PDE1A: variants seen among roughly 807,000 people sequenced by gnomAD.
PDE1A encodes the protein phosphodiesterase 1A.
In PDE1A, 35 loss-of-function variants were observed where a neutral mutation model predicts 61.7. The observed-to-expected ratio is 0.57, with a 90% confidence interval of 0.43 to 0.75. The LOEUF (loss-of-function observed/expected upper bound fraction) is 0.75, where lower values mean the gene tolerates loss of function less well. Ranked by LOEUF, PDE1A falls within the 30% of genes least tolerant of loss-of-function variation. The pLI, the probability that PDE1A is intolerant of heterozygous loss-of-function variation, is 0.00. For missense variants in PDE1A, 597 were observed against 630.6 expected (o/e 0.95, Z 0.57); for synonymous variants, 232 against 213.2 (o/e 1.09, Z -0.77).
chr2:182,150,629 G>A (rs1382335882), intron 13 of PDE1A, among the ~76,000 whole-genome samples: 7 of 152,192 alleles, frequency 4.6e-5, no homozygotes, highest in Non-Finnish European at 1.0e-4. Context: ...AGTTTCAAAA[G>A]TTCAAATCTA....
At chr2:182,450,149 T>A (rs774449410) in intron 2 of PDE1A, among the ~76,000 whole-genome samples, 4 of 152,122 alleles carry the variant, frequency 2.6e-5, no homozygotes, top group Non-Finnish European at 4.4e-5. Flanking sequence ...ATCATCATCA[T>A]CACTGGTATT....
At chr2:182,608,440 G>A in the PDE1A span, among the ~76,000 whole-genome samples, 1 of 152,190 alleles carries the variant, frequency 6.6e-6, no homozygotes, top group Non-Finnish European at 1.5e-5. Context: ...GGCTCCCTCA[G>A]CTTGCGAGGA....
chr2:182,313,174 G>A (rs1041089636), intron 1 of PDE1A, among the ~76,000 whole-genome samples: 4 of 152,202 alleles, frequency 2.6e-5, no homozygotes, highest in Non-Finnish European at 5.9e-5. Context: ...AGCACTTTGG[G>A]AGGCCGAGGC....
chr2:182,473,241 C>A (rs1458277589), intron 2 of PDE1A, among the ~76,000 whole-genome samples: 2 of 151,870 alleles, frequency 1.3e-5, no homozygotes, highest in Non-Finnish European at 2.9e-5. Flanking sequence ...GTCTAAAACA[C>A]CAAAAGCAAC....
At chr2:182,416,490 C>T (rs935788797) in intron 1 of PDE1A, among the ~76,000 whole-genome samples, 3 of 152,314 alleles carry the variant, frequency 2.0e-5, no homozygotes, top group Admixed American at 6.5e-5. Context: ...TTTAAACTCA[C>T]ATCATCACAG....
At chr2:182,543,616 C>T in the PDE1A span, among the ~76,000 whole-genome samples, 1 of 147,822 alleles carries the variant, frequency 6.8e-6, no homozygotes, top group Non-Finnish European at 1.5e-5. Flanking sequence ...AAACTTTAAC[C>T]TTATTTTAAT....
At chr2:182,217,871 GGGATCTAGAACT>G (rs1365934440) in intron 7 of PDE1A, among the ~76,000 whole-genome samples, 7 of 151,988 alleles carry the variant, frequency 4.6e-5, no homozygotes, top group Non-Finnish European at 1.0e-4. Flanking sequence ...AGATTCCTCA[GGGATCTAGAACT>G]GGAAATACCA....
the PDE1A span, among the ~76,000 whole-genome samples, chr2:182,583,863 T>C: frequency 6.6e-6 from 1 of 152,178 alleles, no homozygotes; most frequent in African/African-American, 2.4e-5. Flanking sequence ...GGTAAGCATA[T>C]TGTGGTGATT....
chr2:182,495,135 C>T (rs1392236746), intron 2 of PDE1A, among the ~76,000 whole-genome samples: 7 of 152,178 alleles, frequency 4.6e-5, no homozygotes, highest in African/African-American at 9.7e-5. Flanking sequence ...CAGAGGGACA[C>T]GTGCCCCTGA....
At chr2:182,612,924 C>T in the PDE1A span, among the ~76,000 whole-genome samples, 1 of 152,148 alleles carries the variant, frequency 6.6e-6, no homozygotes, top group African/African-American at 2.4e-5. Flanking sequence ...CAATCTTATT[C>T]GTTTTTGCAG....
At chr2:182,174,045 C>T (rs908955197) in intron 13 of PDE1A, among the ~76,000 whole-genome samples, 1 of 151,984 alleles carries the variant, frequency 6.6e-6, no homozygotes, top group Non-Finnish European at 1.5e-5. Flanking sequence ...AACATGTGCT[C>T]AGAAAGCTTA....
At chr2:182,332,451 T>C (rs1316562147) in intron 1 of PDE1A, among the ~76,000 whole-genome samples, 1 of 152,210 alleles carries the variant, frequency 6.6e-6, no homozygotes, top group Non-Finnish European at 1.5e-5. Context: ...TTGGGAATTC[T>C]CAGCCTTTTT....
intron 10 of PDE1A, among the ~76,000 whole-genome samples, chr2:182,190,960 A>G (rs775852700): frequency 6.6e-6 from 1 of 152,046 alleles, no homozygotes; most frequent in Non-Finnish European, 1.5e-5. Context: ...CATCCCCCCA[A>G]AAAAAAGAAA....
At chr2:182,265,594 A>C (rs968978776) in intron 1 of PDE1A, among the ~76,000 whole-genome samples, 1 of 152,122 alleles carries the variant, frequency 6.6e-6, no homozygotes, top group Non-Finnish European at 1.5e-5. Flanking sequence ...CGAGATAATT[A>C]ATCTTAGTGT....
At chr2:182,573,866 CAT>C in the PDE1A span, among the ~76,000 whole-genome samples, 1 of 140,274 alleles carries the variant, frequency 7.1e-6, no homozygotes, top group East Asian at 2.0e-4. Flanking sequence ...TTTATATATA[CAT>C]ATGTATATAT....
chr2:182,165,608 G>T (rs1453207612), downstream of PDE1A, among the ~76,000 whole-genome samples: 1 of 152,064 alleles, frequency 6.6e-6, no homozygotes, highest in Non-Finnish European at 1.5e-5. Context: ...ACTATGAATT[G>T]CCCAGACTCT....
chr2:182,400,027 T>C (rs1392808588), intron 1 of PDE1A, among the ~76,000 whole-genome samples: 1 of 152,168 alleles, frequency 6.6e-6, no homozygotes, highest in East Asian at 1.9e-4. Context: ...TCACACTCTT[T>C]CCTTTGCCCA....
At chr2:182,201,660 A>AC in intron 9 of PDE1A, 28 bp downstream of exon 9, 17 of 1,556,254 alleles carry the variant, frequency 1.1e-5, no homozygotes, top group Non-Finnish European at 1.4e-5. Context: ...CAAAAAAAAA[A>AC]AAACAACAAA....
At chr2:182,369,502 T>C (rs1700014243) in intron 1 of PDE1A, among the ~76,000 whole-genome samples, 2 of 152,168 alleles carry the variant, frequency 1.3e-5, no homozygotes, top group African/African-American at 4.8e-5. Context: ...GGGGGAAACG[T>C]TTCATGGTAG....
Sources: allele counts gnomAD v4.1 joint callset (sites outside exome capture counted in the v4.1 genomes callset), GRCh38; gene constraint gnomAD v4.1.1; transcripts MANE v1.5; gene names NCBI Gene and HGNC (gene_info 2026-07-23, HGNC 2026-07-21).